Variants in EDARADD observed in about 807,000 individuals in gnomAD.
The protein encoded by EDARADD is ectodysplasin-A receptor-associated adapter protein.
Under a neutral mutation model 25.6 loss-of-function variants are expected in EDARADD, and 20 were observed. That is an observed-to-expected ratio of 0.78 (90% CI 0.55 to 1.14). EDARADD has a LOEUF of 1.14. Among genes scored for constraint, EDARADD ranks in the 50% most tolerant of loss-of-function variants. The probability of loss-of-function intolerance (pLI) is 0.00; values close to 1 mark genes in which losing one functional copy is unlikely to be tolerated. For synonymous variants in EDARADD, 86 were observed against 94.4 expected, an observed-to-expected ratio of 0.91 and a Z score of 0.52; for missense variants, 225 against 270.1, an observed-to-expected ratio of 0.83 and a Z score of 1.17.
intron 3 of EDARADD, among the ~76,000 whole-genome samples, chr1:236,383,106 C>G (rs1433119000): frequency 6.6e-6 from 1 of 152,080 alleles, no homozygotes; most frequent in Admixed American, 6.6e-5. Context: ...AGAAATCTCT[C>G]AAGGAAGGCC....
intron 3 of EDARADD, among the ~76,000 whole-genome samples, chr1:236,353,926 A>C (rs1486162800): frequency 6.6e-6 from 1 of 152,048 alleles, no homozygotes; most frequent in East Asian, 1.9e-4. Flanking sequence ...ATTTGTATTC[A>C]TGTATCTATG....
At chr1:236,413,578 C>T (rs905410079) in intron 2 of EDARADD, among the ~76,000 whole-genome samples, 3 of 152,114 alleles carry the variant, frequency 2.0e-5, no homozygotes, top group African/African-American at 4.8e-5. Context: ...CTCTCATGGA[C>T]GTTTTCAGAA....
chr1:236,462,636 A>G (rs2103032663), intron 4 of EDARADD, among the ~76,000 whole-genome samples: 1 of 152,294 alleles, frequency 6.6e-6, no homozygotes, highest in Middle Eastern at 3.4e-3. Context: ...ACTGTTCCTT[A>G]GTACCCAGAG....
chr1:236,477,751 C>T (rs2103040035), intron 5 of EDARADD, among the ~76,000 whole-genome samples: 1 of 152,084 alleles, frequency 6.6e-6, no homozygotes, highest in African/African-American at 2.4e-5. Context: ...GATTTTTTAA[C>T]CTACCACTTA....
intron 4 of EDARADD, 62 bp from the exon 5 acceptor site, chr1:236,468,169 T>C (rs370659008): frequency 6.8e-5 from 104 of 1,518,962 alleles, no homozygotes; most frequent in Non-Finnish European, 9.2e-5. Flanking sequence ...AGTTGGAAGA[T>C]TGATAATATC....
intron 3 of EDARADD, among the ~76,000 whole-genome samples, chr1:236,363,683 C>T (rs1667080439): frequency 6.6e-6 from 1 of 151,974 alleles, no homozygotes; most frequent in Non-Finnish European, 1.5e-5. Context: ...CATGAGCCAC[C>T]ACAACCAGCC....
At chr1:236,444,207 G>A (rs543234988) in intron 4 of EDARADD, among the ~76,000 whole-genome samples, 2 of 152,176 alleles carry the variant, frequency 1.3e-5, no homozygotes, top group South Asian at 4.2e-4. Context: ...AAAAATTTAT[G>A]TGACCTGCTT....
chr1:236,435,419 G>A (rs2103019777), intron 4 of EDARADD, among the ~76,000 whole-genome samples: 1 of 152,288 alleles, frequency 6.6e-6, no homozygotes, highest in East Asian at 1.9e-4. Context: ...GCTCATAATT[G>A]TATCTTCAAT....
chr1:236,367,598 C>CAAG (rs1667127075), intron 3 of EDARADD, among the ~76,000 whole-genome samples: 1 of 152,076 alleles, frequency 6.6e-6, no homozygotes, highest in Non-Finnish European at 1.5e-5. Flanking sequence ...CTCGTGGGCT[C>CAAG]AAGCGATCCT....
chr1:236,413,295 T>G (rs1190095966), intron 2 of EDARADD, among the ~76,000 whole-genome samples: 1 of 152,258 alleles, frequency 6.6e-6, no homozygotes, highest in Non-Finnish European at 1.5e-5. Context: ...TTTTATTTAC[T>G]AATTTATTTT....
chr1:236,372,668 A>G (rs1388301045), intron 3 of EDARADD, among the ~76,000 whole-genome samples: 3 of 152,214 alleles, frequency 2.0e-5, no homozygotes, highest in African/African-American at 7.2e-5. Flanking sequence ...AAAACTCACC[A>G]GTAAATCCAT....
intron 5 of EDARADD, among the ~76,000 whole-genome samples, chr1:236,471,792 G>C (rs1159824733): frequency 1.3e-5 from 2 of 152,152 alleles, no homozygotes; most frequent in Non-Finnish European, 2.9e-5. Context: ...CCAAAAGCCA[G>C]AATGTGCAAG....
intron 1 of EDARADD, among the ~76,000 whole-genome samples, chr1:236,397,143 C>T (rs1170516987): frequency 6.6e-6 from 1 of 152,108 alleles, no homozygotes; most frequent in African/African-American, 2.4e-5. Flanking sequence ...GGTGCAGTGG[C>T]TCAGGCCTGT....
chr1:236,369,478 A>G (rs987445297), intron 3 of EDARADD, among the ~76,000 whole-genome samples: 2 of 152,214 alleles, frequency 1.3e-5, no homozygotes, highest in African/African-American at 2.4e-5. Flanking sequence ...CCCCTGTTCC[A>G]GGAAGCCGTC....
chr1:236,472,018 A>AT lies in EDARADD; in HGVS notation c.265+3751dup, dbSNP rs71673239. On this transcript the variant is annotated intron_variant, in intron 5 of 5. Transcript: ENST00000334232. ...ATACAGACACTACCAGACATTCACT[A>AT]TTTTTTTTTACAATTGTTTTAAATG... Among the ~76,000 whole-genome samples the AT allele has an allele frequency of 2.0e-4, 31 of 151,510 alleles. 1 individual carries two copies. The highest frequency in any genetic ancestry group is 7.2e-4 in the Admixed American group (11 of 15,174).
At chr1:236,450,838 T>C (rs73125210) in intron 4 of EDARADD, among the ~76,000 whole-genome samples, 18,527 of 152,084 alleles carry the variant, frequency 0.12, 2,395 homozygotes, top group African/African-American at 0.32. Flanking sequence ...CGTGAGTCAC[T>C]GCATCCAGCC....
intron 3 of EDARADD, among the ~76,000 whole-genome samples, chr1:236,363,492 G>A (rs1362457068): frequency 2.0e-5 from 3 of 151,420 alleles, no homozygotes; most frequent in African/African-American, 7.3e-5. Flanking sequence ...CAAGGCAGGA[G>A]GATCACTTGA....
Position 236,479,253 on chromosome 1 carries a change from C to T in EDARADD, c.266-3014C>T, listed in dbSNP as rs532078092. 7.2e-5 allele frequency among the ~76,000 whole-genome samples: 11 copies of T among 152,110 alleles called. No individual in the cohort carries two copies. The South Asian group carries it at 8.3e-4, about 11-fold the overall frequency. On this transcript the variant is annotated intron_variant, in intron 5 of 5. Transcript: ENST00000334232. ...GCTCATACCTGTAATCCCAGCAATT[C>T]GAGAGGCTGAGGCAGGAGGATCACT... is the stretch of plus-strand genomic sequence containing the variant.
chr1:236,405,826 C>CT (rs1464201440), intron 1 of EDARADD, among the ~76,000 whole-genome samples: 2 of 26,870 alleles, frequency 7.4e-5, no homozygotes, highest in African/African-American at 1.6e-4. Flanking sequence ...CCTTCCTTTC[C>CT]TTCCTTCCTT....
Sources: gnomAD v4.1 joint callset for allele counts (sites outside exome capture counted in the v4.1 genomes callset) on GRCh38, gnomAD v4.1.1 for gene constraint, MANE v1.5 for transcripts, NCBI Gene and HGNC (gene_info 2026-07-23, HGNC 2026-07-21) for gene names.